MED13: variants seen among roughly 807,000 people sequenced by gnomAD.
The protein encoded by MED13 is mediator of RNA polymerase II transcription subunit 13.
In MED13, 23 loss-of-function variants were observed where a neutral mutation model predicts 225.2. The ratio of observed to expected loss-of-function variants is 0.10; its 90% CI spans 0.07 to 0.14. MED13 has a LOEUF of 0.14. MED13 is among the 10% of genes least tolerant of loss of function. The probability of loss-of-function intolerance (pLI) is 1.00; values close to 1 mark genes in which losing one functional copy is unlikely to be tolerated. For missense variants in MED13, 2,197 were observed against 2,594.5 expected, an observed-to-expected ratio of 0.85 and a Z score of 3.33; for synonymous variants, 942 against 889.2, an observed-to-expected ratio of 1.06 and a Z score of -1.06.
rs747743166 is a variant in MED13 at position 61,953,101 on chromosome 17, C to G, written c.5981G>C (p.Gly1994Ala). ...GTCTAACAAATCAAAGATACCCATT[C>G]CATCTGCTCCATCTAAACAGGAGAA... ...AFNPNNDGAD[G>A]MGIFDLLDTG... The change falls in exon 27 of 30, where the codon GGA (glycine) becomes GCA (alanine). Residue 1994 changes from glycine to alanine, a missense_variant. Around this residue, in one of 12 missense-constraint regions of MED13, gnomAD observed 216 missense variants for 388.9 expected, o/e 0.56. Coordinates refer to ENST00000397786, the MANE Select transcript of MED13 (RefSeq NM_005121.3). 12 of 1,613,062 alleles carry G rather than the reference C, an allele frequency of 7.4e-6. No individual in the cohort carries two copies. Among genetic ancestry groups the G allele is most frequent in the African/African-American group, 1.3e-5 (1 of 74,874 alleles).
rs73336412 is a variant in MED13 at position 62,018,136 on chromosome 17, G to A, written c.1284-6903C>T. 3.8e-3 allele frequency among the ~76,000 whole-genome samples: 582 copies of A among 152,186 alleles called. 4 individuals carry two copies. The highest frequency in any genetic ancestry group is 0.013 in the African/African-American group (546 of 41,542). On this transcript the variant is annotated intron_variant, in intron 8 of 29. Coordinates refer to ENST00000397786, the MANE Select transcript of MED13 (RefSeq NM_005121.3). Reference sequence around the variant, plus strand: ...TACCACTGCAATATTTAGAATTTTGGAAAACTATCTGACACAGTGCTTGAG... The same window carrying A: ...TACCACTGCAATATTTAGAATTTTGAAAAACTATCTGACACAGTGCTTGAG...
chr17:62,010,526 G>T, intron 9 of MED13, 24 bp downstream of exon 9: 1 of 1,377,260 alleles, frequency 7.3e-7, no homozygotes, highest in African/African-American at 1.5e-5. Flanking sequence ...AATTATAATG[G>T]TGACTATTAA....
At chr17:62,050,704 A>G (rs1451456709) in intron 3 of MED13, among the ~76,000 whole-genome samples, 1 of 152,204 alleles carries the variant, frequency 6.6e-6, no homozygotes, top group African/African-American at 2.4e-5. Context: ...TCTTAAAACT[A>G]CATAAATCTA....
chr17:61,969,524 T>C (rs1374900786), intron 17 of MED13, among the ~76,000 whole-genome samples: 1 of 151,946 alleles, frequency 6.6e-6, no homozygotes, highest in East Asian at 1.9e-4. Flanking sequence ...CATTTAAAAA[T>C]AATATAATTT....
At chr17:62,019,293 T>C (rs2080614145) in intron 8 of MED13, among the ~76,000 whole-genome samples, 1 of 152,226 alleles carries the variant, frequency 6.6e-6, no homozygotes, top group African/African-American at 2.4e-5. Context: ...GGCTACTGTT[T>C]TGGAAAATAT....
rs779031864 is a variant in MED13, at chr17:61,965,476, A to G, written c.4382-8T>C. The stretch of plus-strand genomic sequence containing the variant: ...GGGAAGCAAGATAAGGACCTAAAGA[A>G]TAAAAACAGGTACGAAATTTAATTC... On this transcript the variant is annotated splice_polypyrimidine_tract_variant and splice_region_variant and intron_variant, in intron 19 of 29. Coordinates refer to ENST00000397786, the MANE Select transcript of MED13 (RefSeq NM_005121.3). The G allele has an allele frequency of 1.6e-5, 25 of 1,597,036 alleles. No homozygotes were observed. The South Asian group carries it at 2.8e-4, about 18-fold the overall frequency.
chr17:61,995,002 C>T, intron 10 of MED13, 150 bp downstream of exon 10: 1 of 643,850 alleles, frequency 1.6e-6, no homozygotes, highest in Non-Finnish European at 2.6e-6. Flanking sequence ...TGAGCCACCG[C>T]AGCCGGGCAA....
At position 62,010,818 on chromosome 17, in the gene MED13, C is replaced by A; in HGVS notation, c.1699G>T (p.Asp567Tyr). ...SQHFYQMPTP[D>Y]PLVPSKPMED... ...ATTGGTTTAGAAGGAACCAAGGGAT[C>A]TGGTGTTGGCATTTGATAAAAATGT... The change falls in exon 9 of 30, where the codon GAT becomes TAT. Residue 567 changes from aspartate (D) to tyrosine (Y), a missense_variant. Physicochemically the swap from Asp to Tyr is radical, Grantham distance 160 (BLOSUM62 -3). Transcript: ENST00000397786. 1.2e-6 allele frequency: 2 copies of A among 1,614,174 alleles called. No homozygotes were observed. Among genetic ancestry groups the A allele is most frequent in the Non-Finnish European group, 1.7e-6 (2 of 1,180,044 alleles).
chr17:61,970,064 A>G (rs1392350071), intron 17 of MED13, among the ~76,000 whole-genome samples: 1 of 152,176 alleles, frequency 6.6e-6, no homozygotes, highest in Admixed American at 6.5e-5. Context: ...ATAGCAAACA[A>G]TGATAATTCT....
intron 3 of MED13, among the ~76,000 whole-genome samples, chr17:62,038,922 A>G (rs1321994278): frequency 2.0e-5 from 3 of 151,838 alleles, no homozygotes; most frequent in African/African-American, 7.3e-5. Flanking sequence ...CAATCCCTCC[A>G]CCTTGGCCTC....
chr17:61,975,140 A>T (rs1301162838), intron 16 of MED13, among the ~76,000 whole-genome samples: 1 of 139,184 alleles, frequency 7.2e-6, no homozygotes, highest in Non-Finnish European at 1.6e-5. Context: ...CCCGTATCTT[A>T]AAAAAAAAAA....
intron 3 of MED13, among the ~76,000 whole-genome samples, chr17:62,050,119 GA>G (rs1322803366): frequency 3.9e-5 from 6 of 152,120 alleles, no homozygotes; most frequent in Non-Finnish European, 7.4e-5. Context: ...AGCACTTTGG[GA>G]GGTCAAGGTG....
chr17:62,007,934 G>A (rs1305602492), intron 9 of MED13, among the ~76,000 whole-genome samples: 3 of 150,000 alleles, frequency 2.0e-5, no homozygotes, highest in African/African-American at 7.4e-5. Context: ...CAGGAAAATG[G>A]CCTGAACCCG....
intron 8 of MED13, among the ~76,000 whole-genome samples, chr17:62,018,633 G>A (rs901523302): frequency 3.0e-4 from 46 of 151,812 alleles, no homozygotes; most frequent in Admixed American, 2.8e-3. Context: ...AAAATCGCTC[G>A]AGCCAGGGAG....
chr17:62,014,310 T>TATATATATA lies in MED13; in HGVS notation c.1284-3078_1284-3077insTATATATAT, dbSNP rs1555638734. 7.8e-3 allele frequency among the ~76,000 whole-genome samples: 1,122 copies of TATATATATA among 143,088 alleles called. 28 individuals carry two copies. The highest frequency in any genetic ancestry group is 0.027 in the African/African-American group (1,021 of 37,182). The allele number at this position is 143,088 out of a possible 152,430, so 93.9% of individuals were successfully genotyped here. ...ATGATGGGAAGTTCTGTATATGTTT[T>TATATATATA]TATATATATATATATATATATTTTG... On this transcript the variant is annotated intron_variant, in intron 8 of 29. Transcript: ENST00000397786.
At chr17:61,970,475 G>A (rs1425195278) in intron 17 of MED13, among the ~76,000 whole-genome samples, 1 of 152,038 alleles carries the variant, frequency 6.6e-6, no homozygotes, top group Non-Finnish European at 1.5e-5. Context: ...GAGGCAAGCA[G>A]TTCAAGAACA....
chr17:61,979,339 TCA>T (rs1383182655), intron 16 of MED13, among the ~76,000 whole-genome samples: 1 of 152,148 alleles, frequency 6.6e-6, no homozygotes, highest in Non-Finnish European at 1.5e-5. Flanking sequence ...GAGAAAAATC[TCA>T]CTCTGTCAAA....
intron 11 of MED13, among the ~76,000 whole-genome samples, chr17:61,987,437 A>C (rs2080257768): frequency 6.6e-6 from 1 of 152,132 alleles, no homozygotes; most frequent in Non-Finnish European, 1.5e-5. Context: ...CCATCTTAAA[A>C]ACAAAAACAA....
At chr17:62,017,263 TA>T (rs1278304515) in intron 8 of MED13, among the ~76,000 whole-genome samples, 2 of 145,230 alleles carry the variant, frequency 1.4e-5, no homozygotes, top group African/African-American at 2.5e-5. Context: ...GGAGCAAGAT[TA>T]AAGTATTCCA....
Sources: gnomAD v4.1 joint callset for allele counts (sites outside exome capture counted in the v4.1 genomes callset) on GRCh38, gnomAD v4.1.1 for gene constraint, gnomAD v4.1.1 regional missense constraint, MANE v1.5 for transcripts, NCBI Gene and HGNC (gene_info 2026-07-23, HGNC 2026-07-21) for gene names.